TET3: variants seen among roughly 807,000 people sequenced by gnomAD.
The protein encoded by TET3 is tet methylcytosine dioxygenase 3, also known as methylcytosine dioxygenase TET3.
In TET3, 19 loss-of-function variants were observed where a neutral mutation model predicts 141.4. The observed-to-expected ratio is 0.13, with a 90% CI of 0.09 to 0.20. The LOEUF is 0.20. Among genes scored for constraint, TET3 ranks in the 10% least tolerant of loss-of-function variants. TET3 has a pLI of 1.00. For missense variants in TET3, 1,874 were observed against 2,356.9 expected (o/e 0.80, Z 4.24); for synonymous variants, 1,043 against 980.9 (o/e 1.06, Z -1.18).
chr2:74,095,357 G>C (rs1486034595), intron 10 of TET3, among the ~76,000 whole-genome samples: 1 of 152,178 alleles, frequency 6.6e-6, no homozygotes. Flanking sequence ...GAGCCCAGGG[G>C]GCCCTGGAAG....
At chr2:74,009,422 A>G (rs1401947070) in intron 3 of TET3, among the ~76,000 whole-genome samples, 2 of 152,230 alleles carry the variant, frequency 1.3e-5, no homozygotes, top group Non-Finnish European at 2.9e-5. Flanking sequence ...GAATAGGCTC[A>G]GGCTGGGGTA....
intron 4 of TET3, among the ~76,000 whole-genome samples, chr2:74,060,678 G>A (rs1036310970): frequency 5.5e-4 from 84 of 152,198 alleles, no homozygotes; most frequent in Non-Finnish European, 8.5e-4. Flanking sequence ...GCGGCCTTCC[G>A]CAGTGTTTGT....
chr2:73,997,420 A>T (rs1335237873), intron 2 of TET3, among the ~76,000 whole-genome samples: 1 of 152,118 alleles, frequency 6.6e-6, no homozygotes, highest in Admixed American at 6.5e-5. Flanking sequence ...GCCCTAGAAG[A>T]GAGAGGGACG....
Sources: gnomAD v4.1 joint callset for allele counts (sites outside exome capture counted in the v4.1 genomes callset) on GRCh38, gnomAD v4.1.1 for gene constraint, MANE v1.5 for transcripts, NCBI Gene and HGNC (gene_info 2026-07-23, HGNC 2026-07-21) for gene names.